The following FHIT variants were observed in gnomAD, a reference collection of about 807,000 sequenced individuals.
FHIT encodes fragile histidine triad diadenosine triphosphatase, also known as bis(5'-adenosyl)-triphosphatase.
Under a neutral mutation model 17.9 loss-of-function variants are expected in FHIT, and 19 were observed. That is an observed-to-expected ratio of 1.06 (90% CI 0.74 to 1.56). FHIT has a LOEUF of 1.56. Among genes scored for constraint, FHIT ranks in the 40% most tolerant of loss-of-function variants. FHIT has a pLI of 0.00. For missense variants in FHIT, 248 were observed against 189.2 expected (o/e 1.31, Z -1.82); for synonymous variants, 81 against 69.7 (o/e 1.16, Z -0.81).
intron 4 of FHIT, among the ~76,000 whole-genome samples, chr3:60,607,417 G>T (rs2038642349): frequency 6.6e-6 from 1 of 151,172 alleles, no homozygotes. Context: ...TTCTTTTTTA[G>T]GATGATAAGG....
chr3:60,804,783 G>C (rs2106683229), intron 4 of FHIT, among the ~76,000 whole-genome samples: 1 of 152,196 alleles, frequency 6.6e-6, no homozygotes, highest in Admixed American at 6.5e-5. Context: ...TTCCTCCATT[G>C]CACAGCCCTG....
chr3:60,551,943 A>T (rs1285785319), intron 4 of FHIT, among the ~76,000 whole-genome samples: 1 of 151,906 alleles, frequency 6.6e-6, no homozygotes, highest in Non-Finnish European at 1.5e-5. Context: ...AATTCAGAAC[A>T]TTTTTACCCC....
chr3:60,093,551 T>C, intron 5 of FHIT, among the ~76,000 whole-genome samples: 1 of 152,124 alleles, frequency 6.6e-6, no homozygotes, highest in South Asian at 2.1e-4. Context: ...CATGGAGGTC[T>C]TTGGTAGGAG....
At chr3:60,196,299 A>G (rs982508446) in intron 5 of FHIT, among the ~76,000 whole-genome samples, 1 of 152,108 alleles carries the variant, frequency 6.6e-6, no homozygotes, top group Non-Finnish European at 1.5e-5. Flanking sequence ...GGAAGCCCAC[A>G]TTCCTCACCT....
chr3:60,713,750 G>A (rs1365747179), intron 4 of FHIT, among the ~76,000 whole-genome samples: 2 of 152,160 alleles, frequency 1.3e-5, no homozygotes, highest in Non-Finnish European at 2.9e-5. Context: ...TTGAATCTCT[G>A]AATAGACCAA....
At chr3:60,991,110 C>T (rs943965512) in intron 3 of FHIT, among the ~76,000 whole-genome samples, 18 of 152,030 alleles carry the variant, frequency 1.2e-4, no homozygotes, top group Non-Finnish European at 8.8e-5. Flanking sequence ...GGTGGAGGGG[C>T]GGTCAGAGAG....
At chr3:60,066,009 A>C (rs865844790) in intron 5 of FHIT, among the ~76,000 whole-genome samples, 1 of 152,268 alleles carries the variant, frequency 6.6e-6, no homozygotes, top group Middle Eastern at 3.4e-3. Flanking sequence ...TCTTGTTACC[A>C]AAGAAAATAC....
chr3:59,900,533 T>C (rs1704278679), intron 8 of FHIT, among the ~76,000 whole-genome samples: 1 of 152,196 alleles, frequency 6.6e-6, no homozygotes, highest in African/African-American at 2.4e-5. Context: ...GCTATCTCCT[T>C]GCACTTGAAT....
At chr3:61,204,552 A>G (rs1016080755) in intron 1 of FHIT, among the ~76,000 whole-genome samples, 6 of 152,234 alleles carry the variant, frequency 3.9e-5, no homozygotes, top group Non-Finnish European at 7.3e-5. Context: ...CACGCTGAAT[A>G]GAATATAAAA....
intron 2 of FHIT, among the ~76,000 whole-genome samples, chr3:61,088,088 T>C (rs1220487051): frequency 6.6e-6 from 1 of 152,122 alleles, no homozygotes; most frequent in Non-Finnish European, 1.5e-5. Flanking sequence ...GAGAATCTGA[T>C]TGGCATAATC....
intron 5 of FHIT, among the ~76,000 whole-genome samples, chr3:60,157,294 G>A (rs1310664575): frequency 6.6e-6 from 1 of 152,128 alleles, no homozygotes; most frequent in African/African-American, 2.4e-5. Flanking sequence ...AGAAATGGTA[G>A]CAGGCACATC....
chr3:61,106,751 C>T (rs943518424), intron 2 of FHIT, among the ~76,000 whole-genome samples: 2 of 152,156 alleles, frequency 1.3e-5, no homozygotes, highest in Non-Finnish European at 1.5e-5. Context: ...ACCTCCACCT[C>T]CTGGGTCCAA....
intron 8 of FHIT, among the ~76,000 whole-genome samples, chr3:59,856,343 C>G (rs1702156458): frequency 6.6e-6 from 1 of 152,108 alleles, no homozygotes; most frequent in African/African-American, 2.4e-5. Context: ...AAGAAAACAT[C>G]ACACCAGGTG....
intron 5 of FHIT, among the ~76,000 whole-genome samples, chr3:60,409,474 T>G (rs1354917333): frequency 6.6e-6 from 1 of 152,230 alleles, no homozygotes; most frequent in East Asian, 1.9e-4. Context: ...TTACTTTAAC[T>G]GTGAATCTGT....
intron 2 of FHIT, among the ~76,000 whole-genome samples, chr3:61,183,393 C>A (rs111763441): frequency 1.1e-3 from 168 of 152,166 alleles, no homozygotes; most frequent in African/African-American, 3.9e-3. Flanking sequence ...CCCAAATTAT[C>A]CCAACCTCAT....
At chr3:60,278,034 C>A (rs765062374) in intron 5 of FHIT, among the ~76,000 whole-genome samples, 6 of 152,124 alleles carry the variant, frequency 3.9e-5, no homozygotes, top group Admixed American at 3.9e-4. Flanking sequence ...CACAAAGAAT[C>A]ATAAGATCAG....
intron 5 of FHIT, among the ~76,000 whole-genome samples, chr3:60,341,179 A>G (rs1306058167): frequency 6.6e-6 from 1 of 152,174 alleles, no homozygotes; most frequent in Admixed American, 6.5e-5. Flanking sequence ...CTGCGTTCTC[A>G]TTCCACCGTG....
intron 5 of FHIT, among the ~76,000 whole-genome samples, chr3:60,187,861 T>A (rs1361123823): frequency 2.0e-5 from 3 of 152,198 alleles, no homozygotes; most frequent in Non-Finnish European, 4.4e-5. Context: ...TAATCACTCC[T>A]CTGTTTTATG....
intron 5 of FHIT, among the ~76,000 whole-genome samples, chr3:60,016,449 G>A (rs1700348064): frequency 6.6e-6 from 1 of 152,174 alleles, no homozygotes; most frequent in Admixed American, 6.5e-5. Flanking sequence ...GATTTAACCA[G>A]TGGATTGGGC....
Sources: gnomAD v4.1 joint callset for allele counts (sites outside exome capture counted in the v4.1 genomes callset) on GRCh38, gnomAD v4.1.1 for gene constraint, MANE v1.5 for transcripts, NCBI Gene and HGNC (gene_info 2026-07-23, HGNC 2026-07-21) for gene names.